PLCL1: variants seen among roughly 807,000 people sequenced by gnomAD.
PLCL1 encodes the protein inactive phospholipase C-like protein 1.
Under a neutral mutation model 84.4 loss-of-function variants are expected in PLCL1, and 41 were observed. That is an observed-to-expected ratio of 0.49 (90% CI 0.38 to 0.63). The LOEUF is 0.63. Among genes scored for constraint, PLCL1 ranks in the 30% least tolerant of loss-of-function variants. The pLI is 0.00. For missense variants in PLCL1, 1,206 were observed against 1,367.8 expected (o/e 0.88, Z 1.87); for synonymous variants, 490 against 488.3 (o/e 1.00, Z -0.05).
chr2:197,860,413 A>G (rs538530799), intron 1 of PLCL1, among the ~76,000 whole-genome samples: 4 of 152,280 alleles, frequency 2.6e-5, no homozygotes, highest in Non-Finnish European at 2.9e-5. Context: ...TTGGTGGGTC[A>G]AATGGTAGTT....
intron 5 of PLCL1, among the ~76,000 whole-genome samples, chr2:198,132,873 T>C (rs1358255502): frequency 6.6e-5 from 10 of 151,800 alleles, no homozygotes; most frequent in Non-Finnish European, 4.4e-5. Flanking sequence ...TTGCCATTGC[T>C]TTTGGTGTTT....
chr2:197,942,632 A>G (rs1365253193), intron 1 of PLCL1, among the ~76,000 whole-genome samples: 3 of 152,328 alleles, frequency 2.0e-5, no homozygotes, highest in South Asian at 4.1e-4. Flanking sequence ...TGAAATACAC[A>G]AGGGACGCAT....
intron 1 of PLCL1, among the ~76,000 whole-genome samples, chr2:197,929,425 C>T (rs1443910123): frequency 6.6e-5 from 10 of 152,140 alleles, no homozygotes. Context: ...GTTTGGTGGG[C>T]AGGAAGGCTC....
Position 197,959,645 on chromosome 2 carries a change from G to A in PLCL1, c.241-124113G>A, listed in dbSNP as rs185493938. Among the ~76,000 whole-genome samples the A allele has an allele frequency of 2.2e-3, 341 of 152,014 alleles. 1 individual carries two copies. The highest frequency in any genetic ancestry group is 7.8e-3 in the African/African-American group (323 of 41,468). On this transcript the variant is annotated intron_variant, in intron 1 of 5. Transcript: ENST00000428675. The stretch of plus-strand genomic sequence containing the variant: ...ACTTTAGTTTGGCTCATCTAGAGTT[G>A]TTTTTTTAAAGCAACCAGTGTTTAA...
At chr2:197,991,615 A>G (rs1014404300) in intron 1 of PLCL1, among the ~76,000 whole-genome samples, 2 of 152,118 alleles carry the variant, frequency 1.3e-5, no homozygotes, top group Non-Finnish European at 2.9e-5. Context: ...TCTTCCAGTC[A>G]CTTCTACTTC....
At chr2:198,013,402 G>T (rs1690915812) in intron 1 of PLCL1, among the ~76,000 whole-genome samples, 1 of 152,032 alleles carries the variant, frequency 6.6e-6, no homozygotes, top group South Asian at 2.1e-4. Flanking sequence ...ACTTTATTAG[G>T]ACTATCGCTT....
At chr2:197,901,089 T>C (rs2105736404) in intron 1 of PLCL1, among the ~76,000 whole-genome samples, 1 of 152,314 alleles carries the variant, frequency 6.6e-6, no homozygotes, top group Admixed American at 6.5e-5. Context: ...AGCTGATAAT[T>C]TACTCAATAA....
intron 1 of PLCL1, among the ~76,000 whole-genome samples, chr2:197,824,415 C>A (rs1340087434): frequency 6.6e-6 from 1 of 151,412 alleles, no homozygotes; most frequent in Non-Finnish European, 1.5e-5. Context: ...GTGCTATATG[C>A]AAAACGTGAA....
At chr2:197,969,866 C>A (rs1302332461) in intron 1 of PLCL1, among the ~76,000 whole-genome samples, 1 of 152,182 alleles carries the variant, frequency 6.6e-6, no homozygotes, top group Non-Finnish European at 1.5e-5. Flanking sequence ...TGAATGACTG[C>A]AATGTCCAGA....
chr2:197,930,110 C>G (rs1326966778), intron 1 of PLCL1, among the ~76,000 whole-genome samples: 2 of 152,144 alleles, frequency 1.3e-5, no homozygotes, highest in African/African-American at 4.8e-5. Context: ...TACTACTGCT[C>G]TATATAAATA....
intron 1 of PLCL1, among the ~76,000 whole-genome samples, chr2:198,059,611 C>T (rs1050559480): frequency 5.3e-5 from 8 of 152,022 alleles, no homozygotes; most frequent in East Asian, 3.9e-4. Context: ...CACTGAGGGA[C>T]GAGAAAGCTG....
Position 198,055,294 on chromosome 2 carries a change from CCT to C in PLCL1, c.241-28429_241-28428del, listed in dbSNP as rs772260935. 6.6e-3 allele frequency among the ~76,000 whole-genome samples: 788 copies of C among 119,554 alleles called. 1 individual carries two copies. The highest frequency in any genetic ancestry group is 0.011 in the Admixed American group (145 of 12,628). 78.4% of individuals were successfully genotyped at this position (119,554 alleles called of 152,430 possible). ...AAACCTCAAGGACTGCTGGTCAAAG[CCT>C]CTCTCTCTCTCTCTCTCTCTCTCTC... is the stretch of plus-strand genomic sequence containing the variant. On this transcript the variant is annotated intron_variant, in intron 1 of 5. Transcript: ENST00000428675.
At chr2:198,041,459 T>C (rs1396409455) in intron 1 of PLCL1, among the ~76,000 whole-genome samples, 1 of 152,200 alleles carries the variant, frequency 6.6e-6, no homozygotes, top group Non-Finnish European at 1.5e-5. Flanking sequence ...TAGGTAATTA[T>C]AGAATTTTTC....
chr2:198,041,929 T>C (rs890033712), intron 1 of PLCL1, among the ~76,000 whole-genome samples: 3 of 152,174 alleles, frequency 2.0e-5, no homozygotes, highest in Non-Finnish European at 4.4e-5. Context: ...AAAAATAAAG[T>C]TGGGTATCCC....
rs1052661572 is a variant in PLCL1, at chr2:197,873,283, G to A, written c.240+67944G>A. Among the ~76,000 whole-genome samples the A allele has an allele frequency of 2.6e-5, 4 of 152,130 alleles. No individual in the cohort carries two copies. The East Asian group carries it at 5.8e-4, about 22-fold the overall frequency. On this transcript the variant is annotated intron_variant, in intron 1 of 5. Coordinates refer to ENST00000428675, the MANE Select transcript of PLCL1 (RefSeq NM_006226.4). The stretch of plus-strand genomic sequence containing the variant: ...CCAGCATCTTAGCTTCTAGGTGGGA[G>A]CCTGCAGGCACGGAGTGCTCTTTTT...
Position 198,085,806 on chromosome 2 carries a change from A to G in PLCL1, c.2289A>G (p.Glu763=), listed in dbSNP as rs142652334. ...EIHGIPADCS[E]QRTKTVQQNS... ...ACGGAATTCCAGCGGATTGTTCGGA[A>G]CAAAGAACTAAAACTGTACAGCAAA... is the stretch of plus-strand genomic sequence containing the variant. The change falls in exon 2 of 6, where the codon GAA becomes GAG. Residue 763 remains glutamate (E), a synonymous_variant. Transcript: ENST00000428675. The surrounding 1 kb of genome is among the most constrained non-coding windows in gnomAD (Gnocchi z 5.3). 3.5e-5 allele frequency: 57 copies of G among 1,614,186 alleles called. No individual in the cohort carries two copies. The Admixed American group carries it at 7.2e-4, about 20-fold the overall frequency.
chr2:198,092,021 G>A (rs922266460), intron 3 of PLCL1, among the ~76,000 whole-genome samples: 2 of 150,080 alleles, frequency 1.3e-5, no homozygotes, highest in Non-Finnish European at 3.0e-5. Flanking sequence ...TGCCTCTTTA[G>A]TTTTACCTGC....
chr2:197,819,844 T>C (rs1690777418), intron 1 of PLCL1, among the ~76,000 whole-genome samples: 1 of 151,758 alleles, frequency 6.6e-6, no homozygotes, highest in Non-Finnish European at 1.5e-5. Context: ...CATTATCACT[T>C]CCACCTTAGA....
At chr2:197,938,177 G>A (rs1037870206) in intron 1 of PLCL1, among the ~76,000 whole-genome samples, 1 of 152,122 alleles carries the variant, frequency 6.6e-6, no homozygotes, top group Non-Finnish European at 1.5e-5. Context: ...GACCTTGGGA[G>A]CCATCTTTGA....
Sources: gnomAD v4.1 joint callset for allele counts (sites outside exome capture counted in the v4.1 genomes callset) on GRCh38, gnomAD v4.1.1 for gene constraint, Gnocchi (gnomAD v3.1) non-coding constraint, MANE v1.5 for transcripts, NCBI Gene and HGNC (gene_info 2026-07-23, HGNC 2026-07-21) for gene names.